Variants in TMPRSS11F observed in about 807,000 individuals in gnomAD.
The protein encoded by TMPRSS11F is transmembrane serine protease 11F.
Under a neutral mutation model 60.2 loss-of-function variants are expected in TMPRSS11F, and 47 were observed. That is an observed-to-expected ratio of 0.78 (90% CI 0.62 to 1.00). The LOEUF (loss-of-function observed/expected upper bound fraction) is 1.00. Ranked by LOEUF, TMPRSS11F falls within the 50% of genes least tolerant of loss-of-function variation. The pLI is 0.00. For synonymous variants in TMPRSS11F, 166 were observed against 167.3 expected (o/e 0.99, Z 0.06); for missense variants, 519 against 522.9 (o/e 0.99, Z 0.07).
rs912270957 is a variant in TMPRSS11F at position 68,093,791 on chromosome 4, T to C, written c.164-3150A>G. ...GACATTTATGCAGCCAAAAAACACATGAAAAAATGCTCACCATCACTGGCC... is the reference window on the plus strand; with the variant it reads ...GACATTTATGCAGCCAAAAAACACACGAAAAAATGCTCACCATCACTGGCC... On this transcript the variant is annotated intron_variant, in intron 2 of 9. Coordinates refer to ENST00000356291, the MANE Select transcript of TMPRSS11F (RefSeq NM_207407.2). Among the ~76,000 whole-genome samples, 9 of 151,048 alleles carry C rather than the reference T, an allele frequency of 6.0e-5. 1 individual carries two copies. Among genetic ancestry groups the C allele is most frequent in the African/African-American group, 2.2e-4 (9 of 41,106 alleles).
intron 3 of TMPRSS11F, among the ~76,000 whole-genome samples, chr4:68,084,393 GA>G (rs941557927): frequency 1.3e-5 from 2 of 151,172 alleles, no homozygotes; most frequent in Admixed American, 6.6e-5. Context: ...CGCTGCAAAA[GA>G]AAAAAAAATC....
At chr4:68,080,132 G>C (rs1723662384) in intron 3 of TMPRSS11F, 1 of 152,170 alleles carries the variant, frequency 6.6e-6, no homozygotes, top group African/African-American at 2.4e-5. Context: ...AAAGCTTCCT[G>C]CTGACTCAAA....
intron 8 of TMPRSS11F, among the ~76,000 whole-genome samples, chr4:68,063,571 G>A (rs1196258662): frequency 6.6e-6 from 1 of 151,944 alleles, no homozygotes; most frequent in Non-Finnish European, 1.5e-5. Context: ...AGTAGAGACG[G>A]AGTTTCACCA....
At position 68,070,015 on chromosome 4, in the gene TMPRSS11F, A is replaced by G; in HGVS notation, c.515-8T>C. On this transcript the variant is annotated splice_polypyrimidine_tract_variant and splice_region_variant and intron_variant, in intron 5 of 9. Coordinates refer to ENST00000356291, the MANE Select transcript of TMPRSS11F (RefSeq NM_207407.2). ...TCTTTTTGCTGTCAATAGCTGGAAT[A>G]AGCAAAACATGAATTAGTTGGCAGA... The G allele has an allele frequency of 6.2e-7, 1 of 1,603,136 alleles. No individual in the cohort carries two copies. Among genetic ancestry groups the G allele is most frequent in the Non-Finnish European group, 8.5e-7 (1 of 1,174,266 alleles).
chr4:68,116,718 G>A (rs1197944294), intron 1 of TMPRSS11F, among the ~76,000 whole-genome samples: 5 of 152,040 alleles, frequency 3.3e-5, no homozygotes, highest in African/African-American at 1.2e-4. Flanking sequence ...TATTTGACAA[G>A]GGTACCAAGA....
intron 8 of TMPRSS11F, 53 bp from the exon 9 acceptor site, chr4:68,059,521 T>A: frequency 6.4e-7 from 1 of 1,558,982 alleles, no homozygotes; most frequent in Non-Finnish European, 8.7e-7. Flanking sequence ...CAAATACAAT[T>A]GTATCTAAGA....
intron 2 of TMPRSS11F, among the ~76,000 whole-genome samples, chr4:68,092,956 T>A (rs1723975973): frequency 6.6e-6 from 1 of 152,210 alleles, no homozygotes; most frequent in South Asian, 2.1e-4. Context: ...AGCAATTATG[T>A]TAATGTTGAA....
intron 1 of TMPRSS11F, among the ~76,000 whole-genome samples, chr4:68,099,678 A>T (rs1434331872): frequency 6.6e-6 from 1 of 152,118 alleles, no homozygotes; most frequent in Non-Finnish European, 1.5e-5. Flanking sequence ...TTCAAGTGAA[A>T]TTTTTCTGTA....
intron 1 of TMPRSS11F, among the ~76,000 whole-genome samples, chr4:68,106,601 G>A (rs961944998): frequency 6.6e-6 from 1 of 152,120 alleles, no homozygotes. Context: ...GAAACTGCGG[G>A]GGGAGGGGTT....
At chr4:68,101,129 G>C (rs922289760) in intron 1 of TMPRSS11F, among the ~76,000 whole-genome samples, 4 of 152,120 alleles carry the variant, frequency 2.6e-5, no homozygotes, top group Non-Finnish European at 4.4e-5. Context: ...TTGTTGTAAA[G>C]GGACTTTTTA....
chr4:68,053,656 T>G lies in TMPRSS11F; in HGVS notation c.*253A>C, dbSNP rs1005261553. 5 of 348,228 alleles carry G rather than the reference T, an allele frequency of 1.4e-5. No homozygotes were observed. The highest frequency in any genetic ancestry group is 1.0e-4 in the African/African-American group (5 of 47,698). The allele number at this position is 348,228 out of a possible 1,614,324, so 21.6% of individuals were successfully genotyped here. A position where few individuals can be genotyped will look rare whatever the true frequency, so the allele number is the denominator to read the frequency against. ...ACCACTTATTTATCTTATTAGGAAG[T>G]ATCACAAGCAGTTTCCCTTGTGAGT... is the stretch of plus-strand genomic sequence containing the variant. On this transcript the variant is annotated 3_prime_UTR_variant, in exon 10 of 10. Coordinates refer to ENST00000356291, the MANE Select transcript of TMPRSS11F (RefSeq NM_207407.2).
intron 2 of TMPRSS11F, among the ~76,000 whole-genome samples, chr4:68,092,995 T>C (rs1450666132): frequency 6.6e-6 from 1 of 152,196 alleles, no homozygotes; most frequent in Non-Finnish European, 1.5e-5. Context: ...ATACCTTTCC[T>C]TTATTGAATT....
At chr4:68,089,738 T>C (rs1014057829) in intron 3 of TMPRSS11F, among the ~76,000 whole-genome samples, 4 of 152,084 alleles carry the variant, frequency 2.6e-5, no homozygotes, top group African/African-American at 9.7e-5. Flanking sequence ...GATAGTACAG[T>C]GAGGGAGAAT....
At chr4:68,088,054 A>C (rs1165946158) in intron 3 of TMPRSS11F, among the ~76,000 whole-genome samples, 1 of 151,996 alleles carries the variant, frequency 6.6e-6, no homozygotes, top group South Asian at 2.1e-4. Flanking sequence ...TGAACTCAGC[A>C]TTTCTTATGG....
chr4:68,098,805 T>C (rs1226464825), intron 2 of TMPRSS11F, 82 bp downstream of exon 2: 1 of 1,284,008 alleles, frequency 7.8e-7, no homozygotes, highest in East Asian at 2.4e-5. Context: ...ATCATGCAAA[T>C]GTCACTTTTT....
At chr4:68,085,908 G>A (rs1464408521) in intron 3 of TMPRSS11F, among the ~76,000 whole-genome samples, 3 of 152,016 alleles carry the variant, frequency 2.0e-5, no homozygotes, top group Non-Finnish European at 4.4e-5. Flanking sequence ...ATGAAGACTT[G>A]GACAGCTACA....
At chr4:68,118,812 T>A (rs757583946) in intron 1 of TMPRSS11F, among the ~76,000 whole-genome samples, 79 of 152,174 alleles carry the variant, frequency 5.2e-4, no homozygotes, top group Non-Finnish European at 7.4e-4. Context: ...GAGTAAGGGG[T>A]CAGGGAAGGT....
At chr4:68,101,852 T>C (rs1724198016) in intron 1 of TMPRSS11F, among the ~76,000 whole-genome samples, 1 of 152,158 alleles carries the variant, frequency 6.6e-6, no homozygotes, top group African/African-American at 2.4e-5. Context: ...CAACAGCAGC[T>C]AAAATCTACT....
chr4:68,059,491 A>G (rs1403978298), intron 8 of TMPRSS11F, 23 bp from the exon 9 acceptor site: 6 of 1,604,390 alleles, frequency 3.7e-6, no homozygotes, highest in African/African-American at 1.3e-5. Flanking sequence ...TGGATAAAAA[A>G]ACAAATAAAC....
Sources: allele counts gnomAD v4.1 joint callset (sites outside exome capture counted in the v4.1 genomes callset), GRCh38; gene constraint gnomAD v4.1.1; transcripts MANE v1.5; gene names NCBI Gene and HGNC (gene_info 2026-07-23, HGNC 2026-07-21).